The following SMAP1 variants were observed in gnomAD, a reference collection of about 807,000 sequenced individuals.
The protein encoded by SMAP1 is stromal membrane-associated protein 1.
Under a neutral mutation model 58.5 loss-of-function variants are expected in SMAP1, and 24 were observed. The observed-to-expected ratio is 0.41, with a 90% CI of 0.30 to 0.58. The LOEUF (loss-of-function observed/expected upper bound fraction) is 0.58, where lower values mean the gene tolerates loss of function less well. Ranked by LOEUF, SMAP1 falls within the 20% of genes least tolerant of loss-of-function variation. SMAP1 has a pLI of 0.29. For missense variants in SMAP1, 563 were observed against 566.3 expected (o/e 0.99, Z 0.06); for synonymous variants, 216 against 196.6 (o/e 1.10, Z -0.82).
chr6:70,793,416 G>T (rs2149946090), intron 5 of SMAP1, among the ~76,000 whole-genome samples: 1 of 152,282 alleles, frequency 6.6e-6, no homozygotes, highest in East Asian at 1.9e-4. Flanking sequence ...GCTTTGGGAA[G>T]CTTGTGACTT....
At chr6:70,713,179 C>T (rs1296027857) in intron 1 of SMAP1, among the ~76,000 whole-genome samples, 1 of 152,156 alleles carries the variant, frequency 6.6e-6, no homozygotes, top group Non-Finnish European at 1.5e-5. Context: ...TTCTCTTAGA[C>T]TACCTGGGAG....
intron 7 of SMAP1, chr6:70,837,804 A>G (rs949167692): frequency 8.0e-7 from 1 of 1,252,930 alleles, no homozygotes; most frequent in Admixed American, 2.6e-5. Flanking sequence ...TGAGAAGGAA[A>G]AGAGTGAAAG....
In SMAP1 at chr6:70,861,714, AT is replaced by A. The variant is rs1310007257; in HGVS notation, c.*1382del. ...GGTGGTACTTTGGCTCGTTGGCTAG[AT>A]TAACCTTCTCTGTCCGAGTGTGCCA... On this transcript the variant is annotated 3_prime_UTR_variant, in exon 11 of 11. Transcript: ENST00000370455. The A allele has an allele frequency of 5.0e-6, 8 of 1,614,014 alleles. No individual in the cohort carries two copies. Among genetic ancestry groups the A allele is most frequent in the Non-Finnish European group, 5.9e-6 (7 of 1,179,994 alleles).
intron 6 of SMAP1, among the ~76,000 whole-genome samples, chr6:70,822,714 T>C (rs1248903796): frequency 6.6e-6 from 1 of 152,200 alleles, no homozygotes. Flanking sequence ...GGAAATTCTG[T>C]CATACTGTTT....
Position 70,858,091 on chromosome 6 carries a change from G to T in SMAP1, c.1131G>T (p.Met377Ile). The T allele has an allele frequency of 6.2e-7, 1 of 1,614,036 alleles. No individual in the cohort carries two copies. The highest frequency in any genetic ancestry group is 1.1e-5 in the South Asian group (1 of 91,078). The change falls in exon 10 of 11, where the codon ATG (methionine) becomes ATT (isoleucine). Residue 377 changes from methionine (M) to isoleucine (I), a missense_variant. Coordinates refer to ENST00000370455, the MANE Select transcript of SMAP1 (RefSeq NM_001044305.3). ...MVGMPMPNGF[M>I]GNAQTGVMPL... ...GCATGCCCATGCCCAATGGGTTTAT[G>T]GGAAATGCACAAACTGGTGTGATGC...
intron 1 of SMAP1, among the ~76,000 whole-genome samples, chr6:70,677,742 A>C (rs1242486535): frequency 6.6e-6 from 1 of 152,056 alleles, no homozygotes; most frequent in African/African-American, 2.4e-5. Flanking sequence ...GTTTTTATTT[A>C]AAGCTTTTCA....
chr6:70,845,340 G>C (rs1189967117), intron 7 of SMAP1, among the ~76,000 whole-genome samples: 1 of 152,184 alleles, frequency 6.6e-6, no homozygotes, highest in East Asian at 1.9e-4. Context: ...GCAAGAGGGG[G>C]ATGGGGCTGC....
At chr6:70,822,275 G>A (rs1388714884) in intron 6 of SMAP1, among the ~76,000 whole-genome samples, 4 of 152,164 alleles carry the variant, frequency 2.6e-5, no homozygotes, top group Admixed American at 6.5e-5. Flanking sequence ...CTTAATGTTT[G>A]TGAGGCATTG....
At chr6:70,708,375 GACAA>G (rs1471975362) in intron 1 of SMAP1, among the ~76,000 whole-genome samples, 4 of 152,022 alleles carry the variant, frequency 2.6e-5, no homozygotes, top group African/African-American at 9.7e-5. Flanking sequence ...TCCGTTGATG[GACAA>G]ACACTTAGGT....
At chr6:70,830,437 A>G (rs1205447335) in intron 6 of SMAP1, among the ~76,000 whole-genome samples, 1 of 152,216 alleles carries the variant, frequency 6.6e-6, no homozygotes. Context: ...TTTGGCTTCC[A>G]GATATTATTT....
Position 70,668,007 on chromosome 6 carries a change from C to T in SMAP1, c.-17C>T, listed in dbSNP as rs1279556205. On this transcript the variant is annotated 5_prime_UTR_variant, in exon 1 of 11. Coordinates refer to ENST00000370455, the MANE Select transcript of SMAP1 (RefSeq NM_001044305.3). ...CCGCCGCCGTAGCTGCCCCAGGCTC[C>T]CCGCCCCGCTGCCGAGATGGCGACG... is the stretch of plus-strand genomic sequence containing the variant. The T allele has an allele frequency of 6.3e-7, 1 of 1,576,190 alleles. No homozygotes were observed. The highest frequency in any genetic ancestry group is 8.6e-7 in the Non-Finnish European group (1 of 1,163,174).
chr6:70,815,814 G>C (rs1251261471), intron 6 of SMAP1, among the ~76,000 whole-genome samples: 1 of 152,164 alleles, frequency 6.6e-6, no homozygotes, highest in East Asian at 1.9e-4. Context: ...ATTTGTGTAT[G>C]TTTGTGTATT....
At chr6:70,718,378 A>G (rs946529625) in intron 1 of SMAP1, among the ~76,000 whole-genome samples, 3 of 152,164 alleles carry the variant, frequency 2.0e-5, no homozygotes, top group Admixed American at 1.3e-4. Context: ...CAAGAATGAC[A>G]TTTTTATTTC....
At chr6:70,797,246 G>GC (rs1285433422) in intron 5 of SMAP1, among the ~76,000 whole-genome samples, 2 of 151,972 alleles carry the variant, frequency 1.3e-5, no homozygotes, top group Non-Finnish European at 2.9e-5. Flanking sequence ...ATTATAATGT[G>GC]CCATATTTGT....
chr6:70,755,356 A>T (rs952346681), intron 3 of SMAP1, among the ~76,000 whole-genome samples: 4 of 152,050 alleles, frequency 2.6e-5, no homozygotes, highest in Admixed American at 1.3e-4. Flanking sequence ...CCACTTCATG[A>T]TGGTGAGAAA....
In SMAP1 at chr6:70,814,169, TCTTTC is replaced by T. The variant is rs1769511954; in HGVS notation, c.576+15435_576+15439del. 3.9e-5 allele frequency among the ~76,000 whole-genome samples: 6 copies of T among 152,312 alleles called. No individual in the cohort carries two copies. In the South Asian group the frequency reaches 1.2e-3, roughly 32 times the overall value. On this transcript the variant is annotated intron_variant, in intron 6 of 10. Transcript: ENST00000370455. ...GGCTGTTCTGTCTTTTACAGTTGCC[TCTTTC>T]CTAGGTTTATGGCCTCCTACTATCA...
At chr6:70,788,539 A>G (rs1183599148) in intron 4 of SMAP1, among the ~76,000 whole-genome samples, 2 of 152,206 alleles carry the variant, frequency 1.3e-5, no homozygotes, top group Non-Finnish European at 1.5e-5. Flanking sequence ...AGAGAGATCA[A>G]GGAATACTTT....
Position 70,860,606 on chromosome 6 carries a change from T to G in SMAP1, c.*272T>G. The G allele has an allele frequency of 2.3e-6, 1 of 432,310 alleles. No individual in the cohort carries two copies. Among genetic ancestry groups the G allele is most frequent in the Admixed American group, 4.0e-5 (1 of 25,016 alleles). 26.8% of individuals were successfully genotyped at this position (432,310 alleles called of 1,614,324 possible). Reference sequence around the variant, plus strand: ...TTGAGAAGCTGCTCAACTTGCAAAATCAGTTTTCCTCTCAATAAAATTATA... The same window carrying G: ...TTGAGAAGCTGCTCAACTTGCAAAAGCAGTTTTCCTCTCAATAAAATTATA... On this transcript the variant is annotated 3_prime_UTR_variant, in exon 11 of 11. Transcript: ENST00000370455.
chr6:70,806,663 G>A (rs78203493), intron 6 of SMAP1, among the ~76,000 whole-genome samples: 2,743 of 152,290 alleles, frequency 0.018, 38 homozygotes, highest in Middle Eastern at 0.054. Context: ...GAAGATGCTC[G>A]ATAGGGATTA....
Sources: allele counts gnomAD v4.1 joint callset (sites outside exome capture counted in the v4.1 genomes callset), GRCh38; gene constraint gnomAD v4.1.1; transcripts MANE v1.5; gene names NCBI Gene and HGNC (gene_info 2026-07-23, HGNC 2026-07-21).